Variants in ALDH1A3 observed in about 807,000 individuals in gnomAD.
ALDH1A3 encodes the protein retinaldehyde dehydrogenase 3.
In ALDH1A3, 28 loss-of-function variants were observed where a neutral mutation model predicts 57.5. The observed-to-expected ratio is 0.49, with a 90% confidence interval of 0.36 to 0.67. The LOEUF (loss-of-function observed/expected upper bound fraction) is 0.67, where lower values mean the gene tolerates loss of function less well. Among genes scored for constraint, ALDH1A3 ranks in the 30% least tolerant of loss-of-function variants. ALDH1A3 has a pLI of 0.00. For missense variants in ALDH1A3, 507 were observed against 669.4 expected (o/e 0.76, Z 2.68); for synonymous variants, 281 against 264.8 (o/e 1.06, Z -0.59).
chr15:100,910,377 C>T (rs1001260558), intron 12 of ALDH1A3, among the ~76,000 whole-genome samples: 1 of 152,252 alleles, frequency 6.6e-6, no homozygotes, highest in Non-Finnish European at 1.5e-5. Context: ...CCTGCCCCTC[C>T]AGGGACAGGC....
intron 3 of ALDH1A3, among the ~76,000 whole-genome samples, chr15:100,890,419 T>C (rs1191000463): frequency 6.6e-6 from 1 of 152,248 alleles, no homozygotes; most frequent in Non-Finnish European, 1.5e-5. Context: ...TTTTTTTTAA[T>C]AATTTCCCGT....
chr15:100,884,469 C>T (rs1475876229), intron 1 of ALDH1A3, among the ~76,000 whole-genome samples: 1 of 151,898 alleles, frequency 6.6e-6, no homozygotes, highest in Non-Finnish European at 1.5e-5. Flanking sequence ...CAGTTATTTG[C>T]GACATCTCTT....
At position 100,898,861 on chromosome 15, in the gene ALDH1A3, C is replaced by T. The variant is rs578216799; in HGVS notation, c.883+676C>T. 1.8e-4 allele frequency among the ~76,000 whole-genome samples: 27 copies of T among 152,264 alleles called. No homozygotes were observed. In the South Asian group the frequency reaches 1.9e-3, roughly 11 times the overall value. On this transcript the variant is annotated intron_variant, in intron 8 of 12. Transcript: ENST00000329841. ...CCACAAGAGGGAAGGAAGGGCTGGC[C>T]GGGCATTCATTCACCTGCTGACAGG...
chr15:100,905,721 G>T (rs376080399), intron 10 of ALDH1A3, 34 bp downstream of exon 10: 1 of 1,501,916 alleles, frequency 6.7e-7, no homozygotes, highest in South Asian at 1.3e-5. Flanking sequence ...TACGACTTGC[G>T]GGGCCTTTCA....
chr15:100,903,452 T>C (rs1281518766), intron 9 of ALDH1A3, among the ~76,000 whole-genome samples: 1 of 152,212 alleles, frequency 6.6e-6, no homozygotes, highest in Non-Finnish European at 1.5e-5. Flanking sequence ...CAGTAACATC[T>C]TCTGATTAGC....
intron 6 of ALDH1A3, chr15:100,895,589 C>T (rs1209651204): frequency 3.0e-6 from 1 of 328,310 alleles, no homozygotes; most frequent in Non-Finnish European, 5.8e-6. Context: ...CACACACACA[C>T]ACACCCCACA....
chr15:100,893,688 G>A lies in ALDH1A3; in HGVS notation c.538-266G>A, dbSNP rs991814731. On this transcript the variant is annotated intron_variant, in intron 5 of 12. Transcript: ENST00000329841. The surrounding 1 kb of genome is among the most constrained non-coding windows in gnomAD (Gnocchi z 4.8). ...CCCATGGAGGCAGGGAGGAGGACAC[G>A]TCTTCAGCAGATGTTTTAGAGGGAG... The A allele has an allele frequency of 1.4e-5, 5 of 349,710 alleles. No individual in the cohort carries two copies. Among genetic ancestry groups the A allele is most frequent in the Admixed American group, 4.3e-5 (1 of 23,020 alleles). 21.7% of individuals were successfully genotyped at this position (349,710 alleles called of 1,614,324 possible).
chr15:100,905,602 G>A lies in ALDH1A3; in HGVS notation c.1148G>A (p.Gly383Asp), dbSNP rs769454022. The A allele has an allele frequency of 3.1e-6, 5 of 1,613,896 alleles. No individual in the cohort carries two copies. The highest frequency in any genetic ancestry group is 4.2e-6 in the Non-Finnish European group (5 of 1,179,908). ...GAAGGGGCCAAGCTGGAATGCGGGG[G>A]CTCAGCCATGGAAGACAAGGGGCTC... is the stretch of plus-strand genomic sequence containing the variant. ...KKEGAKLECG[G>D]SAMEDKGLFI... is the part of the protein sequence containing the mutation. Residue 383 changes from glycine to aspartate, a missense_variant, in exon 10 of 13, where the codon GGC becomes GAC. By Grantham distance (94) the Gly-to-Asp change is moderately conservative. Coordinates refer to ENST00000329841, the MANE Select transcript of ALDH1A3 (RefSeq NM_000693.4).
intron 9 of ALDH1A3, among the ~76,000 whole-genome samples, chr15:100,902,055 A>G (rs1316464653): frequency 6.6e-6 from 1 of 152,262 alleles, no homozygotes; most frequent in Non-Finnish European, 1.5e-5. Context: ...CATGACCACA[A>G]GTCATTATTG....
chr15:100,893,895 A>C lies in ALDH1A3; in HGVS notation c.538-59A>C, dbSNP rs1234945175. ...GTCCTCCACAAAGGCATCGTTGAGC[A>C]CATGGGACAGGGTAAGAGGGTGGAT... On this transcript the variant is annotated intron_variant, in intron 5 of 12. Coordinates refer to ENST00000329841, the MANE Select transcript of ALDH1A3 (RefSeq NM_000693.4). The surrounding 1 kb of genome is among the most constrained non-coding windows in gnomAD (Gnocchi z 4.8). 7.0e-6 allele frequency: 11 copies of C among 1,577,156 alleles called. No homozygotes were observed. Among genetic ancestry groups the C allele is most frequent in the Non-Finnish European group, 9.4e-6 (11 of 1,164,622 alleles).
At chr15:100,886,871 A>G (rs987943961) in intron 2 of ALDH1A3, among the ~76,000 whole-genome samples, 1 of 152,184 alleles carries the variant, frequency 6.6e-6, no homozygotes, top group Admixed American at 6.5e-5. Flanking sequence ...CAGTTCTGCA[A>G]TCCAGAAAGG....
At chr15:100,902,525 T>C (rs2041780298) in intron 9 of ALDH1A3, among the ~76,000 whole-genome samples, 1 of 152,208 alleles carries the variant, frequency 6.6e-6, no homozygotes, top group African/African-American at 2.4e-5. Flanking sequence ...CTCACAGGAA[T>C]GCTCCAAAAT....
chr15:100,885,440 C>G, intron 2 of ALDH1A3, 69 bp downstream of exon 2: 4 of 1,231,896 alleles, frequency 3.2e-6, no homozygotes, highest in Non-Finnish European at 4.7e-6. Context: ...GGAAACGGTT[C>G]GGCTTAGCTA....
chr15:100,885,655 C>CTTT (rs4646657), intron 2 of ALDH1A3, among the ~76,000 whole-genome samples: 14 of 138,346 alleles, frequency 1.0e-4, no homozygotes, highest in South Asian at 4.7e-4. Context: ...TTTCTTTTTT[C>CTTT]TTTTTTTTTT....
chr15:100,901,318 T>C (rs1231650633), intron 9 of ALDH1A3, among the ~76,000 whole-genome samples: 1 of 152,250 alleles, frequency 6.6e-6, no homozygotes, highest in East Asian at 1.9e-4. Flanking sequence ...GCACATCCTG[T>C]ATCACTTTCT....
chr15:100,885,479 AG>A, intron 2 of ALDH1A3, 108 bp downstream of exon 2: 1 of 786,298 alleles, frequency 1.3e-6, no homozygotes. Flanking sequence ...TCCTGGGGGC[AG>A]GGCCTGGGCT....
At position 100,914,855 on chromosome 15, in the gene ALDH1A3, C is replaced by A; in HGVS notation, c.*82C>A. ...GTGCTGGAGGAAAAAAATGACATTT[C>A]TGACCTTCCCGGGACACATTCTTCT... On this transcript the variant is annotated 3_prime_UTR_variant, in exon 13 of 13. Transcript: ENST00000329841. 2.3e-6 allele frequency: 3 copies of A among 1,332,856 alleles called. No individual in the cohort carries two copies. Among genetic ancestry groups the A allele is most frequent in the Non-Finnish European group, 3.2e-6 (3 of 944,372 alleles). The allele number at this position is 1,332,856 out of a possible 1,614,324, so 82.6% of individuals were successfully genotyped here.
chr15:100,909,824 T>G (rs1389661955), intron 12 of ALDH1A3, among the ~76,000 whole-genome samples: 1 of 152,368 alleles, frequency 6.6e-6, no homozygotes, highest in Admixed American at 6.5e-5. Flanking sequence ...ACAAACATTT[T>G]GTAGGATCAG....
Position 100,889,407 on chromosome 15 carries a change from C to G in ALDH1A3, c.345+1695C>G, listed in dbSNP as rs886803981. Among the ~76,000 whole-genome samples, 7 of 152,184 alleles carry G rather than the reference C, an allele frequency of 4.6e-5. No individual in the cohort carries two copies. Among genetic ancestry groups the G allele is most frequent in the Non-Finnish European group, 1.0e-4 (7 of 68,030 alleles). Reference sequence around the variant, plus strand: ...CTCCCCTTCCTTCCTTCCCAGTCAGCCCGGCCAGTCCACATGTTCCCCGGG... The same window carrying G: ...CTCCCCTTCCTTCCTTCCCAGTCAGGCCGGCCAGTCCACATGTTCCCCGGG... On this transcript the variant is annotated intron_variant, in intron 3 of 12. Transcript: ENST00000329841. This position sits in a 1 kb window ranked among gnomAD's most constrained non-coding sequence, Gnocchi z 5.1.
Sources: gnomAD v4.1 joint callset for allele counts (sites outside exome capture counted in the v4.1 genomes callset) on GRCh38, gnomAD v4.1.1 for gene constraint, Gnocchi (gnomAD v3.1) non-coding constraint, MANE v1.5 for transcripts, NCBI Gene and HGNC (gene_info 2026-07-23, HGNC 2026-07-21) for gene names.